Variants in MCRIP2 observed in about 807,000 individuals in gnomAD.
MCRIP2 encodes MAPK regulated corepressor interacting protein 2, also known as MAPK regulated co-repressor interacting protein 2.
Under a neutral mutation model 23.2 loss-of-function variants are expected in MCRIP2, and 21 were observed. That is an observed-to-expected ratio of 0.90 (90% CI 0.64 to 1.30). The LOEUF (loss-of-function observed/expected upper bound fraction) is 1.30. MCRIP2 is among the 50% of genes most tolerant of loss of function. The pLI is 0.00. For synonymous variants in MCRIP2, 121 were observed against 100.2 expected (o/e 1.21, Z -1.24); for missense variants, 234 against 223.2 (o/e 1.05, Z -0.31).
chr16:648,001 C>T (rs2037543236), intron 4 of MCRIP2, 117 bp downstream of exon 4: 2 of 1,219,888 alleles, frequency 1.6e-6, no homozygotes, highest in East Asian at 2.5e-5. Context: ...TGCAGAAACC[C>T]CTTCTTCCCA....
intron 3 of MCRIP2, 115 bp from the exon 4 acceptor site, chr16:647,668 C>T (rs1290482807): frequency 8.5e-6 from 13 of 1,525,740 alleles, no homozygotes; most frequent in Non-Finnish European, 4.4e-6. Flanking sequence ...GGCACTCTGC[C>T]CTTGTGTCCT....
chr16:642,461 C>T (rs1414420226), intron 2 of MCRIP2: 3 of 320,264 alleles, frequency 9.4e-6, no homozygotes, highest in African/African-American at 2.2e-5. Flanking sequence ...TGGCCGGGCC[C>T]GGGCCCCCAG....
intron 2 of MCRIP2, 30 bp downstream of exon 2, chr16:642,279 G>T (rs981044806): frequency 2.2e-5 from 25 of 1,155,622 alleles, no homozygotes; most frequent in Middle Eastern, 7.1e-4. Context: ...GGCCCGGCCC[G>T]GCCCGGCTTC....
intron 2 of MCRIP2, chr16:645,921 T>C (rs1296227117): frequency 6.6e-6 from 1 of 152,272 alleles, no homozygotes; most frequent in African/African-American, 2.4e-5. Context: ...CCCAGCTTCA[T>C]GGGCTGAAAA....
Position 647,818 on chromosome 16 carries a change from C to A in MCRIP2, c.346C>A (p.Pro116Thr). 1 of 1,577,130 alleles carries A rather than the reference C, an allele frequency of 6.3e-7. No homozygotes were observed. Among genetic ancestry groups the A allele is most frequent in the South Asian group, 1.2e-5 (1 of 86,300 alleles). The change falls in exon 4 of 5, where the codon CCA (proline) becomes ACA (threonine). Residue 116 changes from proline (P) to threonine (T), a missense_variant. Pro to Thr is a conservative substitution (Grantham distance 38, BLOSUM62 -1). Transcript: ENST00000307650. ...GGTGCAACAGCAGCTGGATGGTGGC[C>A]CAGCCGGTGAGGGCGGGCCAAGGCC... ...QQVQQQLDGG[P>T]AGEGGPRPVQ...
chr16:647,909 C>A (rs575182270), intron 4 of MCRIP2, 25 bp downstream of exon 4: 10 of 1,406,010 alleles, frequency 7.1e-6, no homozygotes, highest in South Asian at 2.5e-5. Flanking sequence ...CCTGTCCCCC[C>A]AGGAGAGACC....
At position 642,011 on chromosome 16, in the gene MCRIP2, G is replaced by A; in HGVS notation, c.20G>A (p.Gly7Glu). ...CGCGTCATGTACACCATCACCAAGG[G>A]GCCCAGCAAGCTGGTCGCGCAGCGC... The part of the protein sequence containing the change: MYTITK[G>E]PSKLVAQRRT... Residue 7 changes from glycine (G) to glutamate (E), a missense_variant, in exon 1 of 5, where the codon GGG becomes GAG. Transcript: ENST00000307650. The A allele has an allele frequency of 1.5e-6, 2 of 1,328,938 alleles. No individual in the cohort carries two copies. The highest frequency in any genetic ancestry group is 1.9e-5 in the South Asian group (1 of 51,766). 82.3% of individuals were successfully genotyped at this position (1,328,938 alleles called of 1,614,324 possible).
chr16:645,315 G>A (rs2037454408), intron 2 of MCRIP2: 1 of 152,140 alleles, frequency 6.6e-6, no homozygotes, highest in African/African-American at 2.4e-5. Context: ...GAGTACAGTG[G>A]CGTGATCTTG....
rs1475673298 is a variant in MCRIP2 at position 646,239 on chromosome 16, G to C, written c.183-1178G>C. On this transcript the variant is annotated intron_variant, in intron 2 of 4. Coordinates refer to ENST00000307650, the MANE Select transcript of MCRIP2 (RefSeq NM_138418.4). The surrounding 1 kb of genome is among the most constrained non-coding windows in gnomAD (Gnocchi z 6.5). ...AATCCAACCTCCAAGCTTTCTTGGAGTTTCTGGCTTTCCGAGGTGGGAGTG... is the reference window on the plus strand; with the variant it reads ...AATCCAACCTCCAAGCTTTCTTGGACTTTCTGGCTTTCCGAGGTGGGAGTG... 1.3e-5 allele frequency: 2 copies of C among 152,254 alleles called. No homozygotes were observed. The highest frequency in any genetic ancestry group is 2.9e-5 in the Non-Finnish European group (2 of 68,044). 9.4% of individuals were successfully genotyped at this position (152,254 alleles called of 1,614,324 possible). A position where few individuals can be genotyped will look rare whatever the true frequency, so the allele number is the denominator to read the frequency against.
At chr16:643,277 G>T (rs1188092076) in intron 2 of MCRIP2, 2 of 152,274 alleles carry the variant, frequency 1.3e-5, no homozygotes, top group African/African-American at 4.8e-5. Context: ...CTTCCCAGGG[G>T]AGGAAACCGA....
Position 641,959 on chromosome 16 carries a change from C to A in MCRIP2, c.-33C>A, listed in dbSNP as rs897497919. ...CCCCGGCGCAGGGGCCGGATCTGGCCGGGGGCCGGCGGCGGTGTGGGAGCG... is the reference window on the plus strand; with the variant it reads ...CCCCGGCGCAGGGGCCGGATCTGGCAGGGGGCCGGCGGCGGTGTGGGAGCG... On this transcript the variant is annotated 5_prime_UTR_variant, in exon 1 of 5. Transcript: ENST00000307650. 3.1e-6 allele frequency: 4 copies of A among 1,303,252 alleles called. No individual in the cohort carries two copies. Among genetic ancestry groups the A allele is most frequent in the Admixed American group, 4.1e-5 (1 of 24,394 alleles). 80.7% of individuals were successfully genotyped at this position (1,303,252 alleles called of 1,614,324 possible). A position where few individuals can be genotyped will look rare whatever the true frequency, so the allele number is the denominator to read the frequency against.
In MCRIP2 at chr16:641,928, T is replaced by A; in HGVS notation, c.-64T>A. 7.9e-7 allele frequency: 1 copy of A among 1,265,330 alleles called. No individual in the cohort carries two copies. The highest frequency in any genetic ancestry group is 1.0e-6 in the Non-Finnish European group (1 of 1,004,944). The allele number at this position is 1,265,330 out of a possible 1,614,324, so 78.4% of individuals were successfully genotyped here. ...CCCGCGGCGCCCGCAGTCCGTTAAG[T>A]GCGAGCCCCGGCGCAGGGGCCGGAT... On this transcript the variant is annotated 5_prime_UTR_variant, in exon 1 of 5. Transcript: ENST00000307650.
intron 2 of MCRIP2, among the ~76,000 whole-genome samples, chr16:644,367 C>T (rs935187163): frequency 4.6e-5 from 7 of 152,138 alleles, no homozygotes; most frequent in Non-Finnish European, 1.0e-4. Flanking sequence ...AGGCGTGAAC[C>T]ACCGTGCTTG....
Position 642,226 on chromosome 16 carries a change from G to C in MCRIP2, c.159G>C (p.Pro53=). 1.6e-6 allele frequency: 2 copies of C among 1,243,842 alleles called. No homozygotes were observed. Among genetic ancestry groups the C allele is most frequent in the Non-Finnish European group, 2.0e-6 (2 of 994,652 alleles). 77.1% of individuals were successfully genotyped at this position (1,243,842 alleles called of 1,614,324 possible). ...CGCGGGCGCAGCCCTTTGCGCAGCCGCCGGGACCCTGGCCCCTGTCGAGGT... is the reference window on the plus strand; with the variant it reads ...CGCGGGCGCAGCCCTTTGCGCAGCCCCCGGGACCCTGGCCCCTGTCGAGGT... The part of the protein sequence containing the change: ...QPPRAQPFAQ[P]PGPWPLSSPG... The change falls in exon 2 of 5, where the codon CCG becomes CCC. Residue 53 remains proline, a synonymous_variant. Transcript: ENST00000307650.
At position 647,433 on chromosome 16, in the gene MCRIP2, G is replaced by C. The variant is rs1180354968; in HGVS notation, c.199G>C (p.Val67Leu). The part of the protein sequence containing the change: ...WPLSSPGPRL[V>L]FNRVNGRRAP... The stretch of plus-strand genomic sequence containing the variant: ...TTCCTGCAGTCCAGGGCCAAGGCTT[G>C]TGTTCAATCGTGTGAATGGCCGGCG... Residue 67 changes from valine to leucine, a missense_variant, in exon 3 of 5, where the codon GTG (valine) becomes CTG (leucine). Transcript: ENST00000307650. The C allele has an allele frequency of 6.2e-7, 1 of 1,613,412 alleles. No homozygotes were observed. The highest frequency in any genetic ancestry group is 1.3e-5 in the African/African-American group (1 of 74,942).
In MCRIP2 at chr16:642,200, C is replaced by CCGCGGGCGCAGCCCT; in HGVS notation, c.134_148dup (p.Pro49_Phe50insSerArgAlaGlnPro). The CCGCGGGCGCAGCCCT allele has an allele frequency of 7.6e-7, 1 of 1,319,086 alleles. No individual in the cohort carries two copies. The highest frequency in any genetic ancestry group is 9.7e-7 in the Non-Finnish European group (1 of 1,031,894). 81.7% of individuals were successfully genotyped at this position (1,319,086 alleles called of 1,614,324 possible). On this transcript the variant is annotated inframe_insertion, in exon 2 of 5. Coordinates refer to ENST00000307650, the MANE Select transcript of MCRIP2 (RefSeq NM_138418.4). ...GCCCGCGCCGCCGACCTCGCAGCCC[C>CCGCGGGCGCAGCCCT]CGCGGGCGCAGCCCTTTGCGCAGCC...
chr16:642,188 A>G lies in MCRIP2; in HGVS notation c.121A>G (p.Thr41Ala). 1 of 1,332,270 alleles carries G rather than the reference A, an allele frequency of 7.5e-7. No individual in the cohort carries two copies. The highest frequency in any genetic ancestry group is 9.6e-7 in the Non-Finnish European group (1 of 1,038,142). 82.5% of individuals were successfully genotyped at this position (1,332,270 alleles called of 1,614,324 possible). Residue 41 changes from threonine to alanine, a missense_variant, in exon 2 of 5, where the codon ACC becomes GCC. By Grantham distance (58) the Thr-to-Ala change is moderately conservative. Transcript: ENST00000307650. ...LLKCRQPAPP[T>A]SQPPRAQPFA... ...GAAATGCCGGCAGCCCGCGCCGCCG[A>G]CCTCGCAGCCCCCGCGGGCGCAGCC...
At chr16:643,621 T>G (rs1326510343) in intron 2 of MCRIP2, among the ~76,000 whole-genome samples, 3 of 145,204 alleles carry the variant, frequency 2.1e-5, no homozygotes, top group Admixed American at 7.0e-5. Context: ...CTCAGCTCAC[T>G]GCAACCTCTG....
At position 641,971 on chromosome 16, in the gene MCRIP2, G is replaced by A. The variant is rs772428388; in HGVS notation, c.-21G>A. The A allele has an allele frequency of 7.6e-7, 1 of 1,309,186 alleles. No individual in the cohort carries two copies. The highest frequency in any genetic ancestry group is 2.1e-5 in the South Asian group (1 of 47,636). The allele number at this position is 1,309,186 out of a possible 1,614,324, so 81.1% of individuals were successfully genotyped here. ...GGCCGGATCTGGCCGGGGGCCGGCG[G>A]CGGTGTGGGAGCGGCGCGTCATGTA... is the stretch of plus-strand genomic sequence containing the variant. On this transcript the variant is annotated 5_prime_UTR_variant, in exon 1 of 5. Transcript: ENST00000307650.
Sources: gnomAD v4.1 joint callset for allele counts (sites outside exome capture counted in the v4.1 genomes callset) on GRCh38, gnomAD v4.1.1 for gene constraint, Gnocchi (gnomAD v3.1) non-coding constraint, MANE v1.5 for transcripts, NCBI Gene and HGNC (gene_info 2026-07-23, HGNC 2026-07-21) for gene names.